Variants in LRRC4C observed in about 807,000 individuals in gnomAD.
The protein encoded by LRRC4C is leucine rich repeat containing 4C.
Under a neutral mutation model 33.6 loss-of-function variants are expected in LRRC4C, and 5 were observed. The observed-to-expected ratio is 0.15, with a 90% CI of 0.08 to 0.31. LRRC4C has a LOEUF of 0.31. LRRC4C is among the 10% of genes least tolerant of loss of function. LRRC4C has a pLI of 1.00. For synonymous variants in LRRC4C, 329 were observed against 302.0 expected, an observed-to-expected ratio of 1.09 and a Z score of -0.93; for missense variants, 560 against 796.7, an observed-to-expected ratio of 0.70 and a Z score of 3.58.
In LRRC4C at chr11:40,354,715, G is replaced by A. The variant is rs139491296; in HGVS notation, c.-269-34994C>T. On this transcript the variant is annotated intron_variant, in intron 3 of 6. Coordinates refer to ENST00000528697, the MANE Select transcript of LRRC4C (RefSeq NM_001258419.2). ...TTGTCATGAATGCTGCTAGGCCTGG[G>A]TCTCTCCTTTCAGGACAGTCGGCTT... Among the ~76,000 whole-genome samples the A allele has an allele frequency of 4.3e-3, 661 of 152,196 alleles. 2 individuals are homozygous for A. The highest frequency in any genetic ancestry group is 0.015 in the African/African-American group (638 of 41,552).
chr11:40,794,459 G>T (rs1224798139), intron 2 of LRRC4C, among the ~76,000 whole-genome samples: 1 of 151,226 alleles, frequency 6.6e-6, no homozygotes, highest in African/African-American at 2.4e-5. Context: ...TTTGTTCAAG[G>T]AGATATACTA....
intron 3 of LRRC4C, among the ~76,000 whole-genome samples, chr11:40,476,339 C>CTTTTTTCT (rs376644704): frequency 0.13 from 15,289 of 121,326 alleles, 1,047 homozygotes; most frequent in East Asian, 0.17. Flanking sequence ...CATTTTTTTT[C>CTTTTTTCT]TTCTTTTTTT....
chr11:41,301,016 G>A (rs1476370912), intron 1 of LRRC4C, among the ~76,000 whole-genome samples: 2 of 152,030 alleles, frequency 1.3e-5, no homozygotes, highest in Non-Finnish European at 2.9e-5. Context: ...ATTTTTGTTT[G>A]GATATTAAAA....
intron 1 of LRRC4C, among the ~76,000 whole-genome samples, chr11:41,101,390 T>A (rs934958634): frequency 6.6e-6 from 1 of 152,040 alleles, no homozygotes; most frequent in Non-Finnish European, 1.5e-5. Flanking sequence ...AACAAGCGTA[T>A]GAAAAAAAGC....
At chr11:40,501,883 T>G (rs1316889169) in intron 3 of LRRC4C, among the ~76,000 whole-genome samples, 1 of 152,226 alleles carries the variant, frequency 6.6e-6, no homozygotes, top group Non-Finnish European at 1.5e-5. Context: ...TCTATCCTAT[T>G]GTCAGGCTGC....
chr11:40,988,383 G>T (rs1427715713), intron 1 of LRRC4C, among the ~76,000 whole-genome samples: 1 of 152,028 alleles, frequency 6.6e-6, no homozygotes, highest in African/African-American at 2.4e-5. Flanking sequence ...TTCATACAAA[G>T]CCAGAAATGG....
chr11:40,762,155 C>G (rs986520371), intron 2 of LRRC4C, among the ~76,000 whole-genome samples: 2 of 152,138 alleles, frequency 1.3e-5, no homozygotes, highest in African/African-American at 4.8e-5. Flanking sequence ...AAAGCTACTC[C>G]TCTTAGAAAT....
At chr11:41,242,049 C>T (rs1177337982) in intron 1 of LRRC4C, among the ~76,000 whole-genome samples, 3 of 152,108 alleles carry the variant, frequency 2.0e-5, no homozygotes, top group Non-Finnish European at 2.9e-5. Context: ...TCTTTTCCCT[C>T]TTACAAAATC....
At chr11:40,799,980 C>T (rs182156992) in intron 2 of LRRC4C, among the ~76,000 whole-genome samples, 2 of 151,826 alleles carry the variant, frequency 1.3e-5, no homozygotes, top group Non-Finnish European at 2.9e-5. Flanking sequence ...TAAAAGACAA[C>T]ATAAATTTTC....
chr11:41,117,827 G>A (rs1400541592), intron 1 of LRRC4C, among the ~76,000 whole-genome samples: 2 of 151,928 alleles, frequency 1.3e-5, no homozygotes, highest in Non-Finnish European at 2.9e-5. Context: ...AGCAAAATTC[G>A]CATTAGCTTA....
At chr11:40,622,985 T>C (rs1300678760) in intron 3 of LRRC4C, among the ~76,000 whole-genome samples, 2 of 151,832 alleles carry the variant, frequency 1.3e-5, no homozygotes, top group African/African-American at 4.8e-5. Flanking sequence ...TTTATTTAAA[T>C]TTAAAAAATA....
intron 2 of LRRC4C, among the ~76,000 whole-genome samples, chr11:40,826,929 A>C (rs1952191495): frequency 6.6e-6 from 1 of 152,160 alleles, no homozygotes; most frequent in Non-Finnish European, 1.5e-5. Context: ...AACAGCAGAA[A>C]GATAAAACTG....
intron 5 of LRRC4C, among the ~76,000 whole-genome samples, chr11:40,227,664 G>A (rs1040270935): frequency 6.6e-6 from 1 of 152,092 alleles, no homozygotes; most frequent in Non-Finnish European, 1.5e-5. Flanking sequence ...CTTGTTGAGA[G>A]CAGAGGGTTA....
At chr11:40,770,237 G>C (rs1194763736) in intron 2 of LRRC4C, among the ~76,000 whole-genome samples, 1 of 152,150 alleles carries the variant, frequency 6.6e-6, no homozygotes, top group Non-Finnish European at 1.5e-5. Flanking sequence ...ATGGTGGAAA[G>C]GGAAGCAAAC....
At chr11:40,144,072 C>T (rs1329236334) in intron 5 of LRRC4C, among the ~76,000 whole-genome samples, 2 of 151,962 alleles carry the variant, frequency 1.3e-5, no homozygotes. Flanking sequence ...CATTTTGTGG[C>T]TTGTGGGAAG....
chr11:40,527,292 T>C (rs1411024704), intron 3 of LRRC4C, among the ~76,000 whole-genome samples: 1 of 152,022 alleles, frequency 6.6e-6, no homozygotes, highest in Non-Finnish European at 1.5e-5. Flanking sequence ...TTATTAAAAA[T>C]TAAAGATATA....
At chr11:40,554,551 C>T (rs970190083) in intron 3 of LRRC4C, among the ~76,000 whole-genome samples, 2 of 151,992 alleles carry the variant, frequency 1.3e-5, no homozygotes, top group African/African-American at 4.8e-5. Flanking sequence ...TTGCTTTGGG[C>T]AGTATGGCCA....
At chr11:41,346,724 G>A (rs368414455) in intron 1 of LRRC4C, among the ~76,000 whole-genome samples, 6 of 152,132 alleles carry the variant, frequency 3.9e-5, no homozygotes, top group Admixed American at 1.3e-4. Context: ...AAAAAGTTCC[G>A]CATTATTGAG....
chr11:40,309,865 C>G (rs1220752122), intron 4 of LRRC4C, among the ~76,000 whole-genome samples: 1 of 152,146 alleles, frequency 6.6e-6, no homozygotes, highest in African/African-American at 2.4e-5. Context: ...ATATGTTTGA[C>G]TAGAGAAAGG....
Sources: gnomAD v4.1 joint callset for allele counts (sites outside exome capture counted in the v4.1 genomes callset) on GRCh38, gnomAD v4.1.1 for gene constraint, MANE v1.5 for transcripts, NCBI Gene and HGNC (gene_info 2026-07-23, HGNC 2026-07-21) for gene names.